The following ANO6 variants were observed in gnomAD, a reference collection of about 807,000 sequenced individuals.
ANO6 encodes the protein anoctamin 6.
ANO6 carries 106 observed loss-of-function variants against 117.5 expected under a neutral mutation model. The observed-to-expected ratio is 0.90, with a 90% CI of 0.77 to 1.06. ANO6 has a LOEUF of 1.06. Ranked by LOEUF, ANO6 falls within the 50% of genes least tolerant of loss-of-function variation. The pLI is 0.00. For synonymous variants in ANO6, 367 were observed against 385.1 expected (o/e 0.95, Z 0.55); for missense variants, 955 against 1,121.1 (o/e 0.85, Z 2.12).
chr12:45,338,901 C>T (rs1379698393), intron 3 of ANO6, among the ~76,000 whole-genome samples: 4 of 151,996 alleles, frequency 2.6e-5, no homozygotes, highest in Non-Finnish European at 5.9e-5. Context: ...GAATTAACAA[C>T]GAGTTCACAA....
chr12:45,380,477 G>T (rs1167216225), intron 10 of ANO6, among the ~76,000 whole-genome samples: 1 of 152,212 alleles, frequency 6.6e-6, no homozygotes, highest in Non-Finnish European at 1.5e-5. Context: ...TCAGAAAACA[G>T]CTGCTGTGAC....
chr12:45,430,127 A>G lies in ANO6; in HGVS notation c.*816A>G. 4.1e-6 allele frequency: 4 copies of G among 985,468 alleles called. No individual in the cohort carries two copies. The highest frequency in any genetic ancestry group is 4.8e-6 in the Non-Finnish European group (4 of 829,920). 61.0% of individuals were successfully genotyped at this position (985,468 alleles called of 1,614,324 possible). On this transcript the variant is annotated 3_prime_UTR_variant, in exon 20 of 20. Transcript: ENST00000320560. ...ATTTTAACTCATGTTGATCTGGATA[A>G]TTAATCTTTTCTAAAGATGTGTAGT...
chr12:45,287,826 G>C (rs1191312222), intron 1 of ANO6, among the ~76,000 whole-genome samples: 2 of 152,010 alleles, frequency 1.3e-5, no homozygotes, highest in African/African-American at 4.8e-5. Flanking sequence ...TTTGGAAAAC[G>C]TCAAGTATTA....
At chr12:45,263,084 G>C (rs1765325633) in intron 1 of ANO6, among the ~76,000 whole-genome samples, 1 of 151,762 alleles carries the variant, frequency 6.6e-6, no homozygotes, top group Non-Finnish European at 1.5e-5. Flanking sequence ...AGATTTTTTT[G>C]CTGTTATAAA....
chr12:45,330,589 C>G (rs1383307587), intron 2 of ANO6, among the ~76,000 whole-genome samples: 1 of 152,052 alleles, frequency 6.6e-6, no homozygotes, highest in Admixed American at 6.6e-5. Flanking sequence ...TGTATTTGGT[C>G]TCTGTTCTGC....
At chr12:45,260,141 G>A (rs569249303) in intron 1 of ANO6, among the ~76,000 whole-genome samples, 7 of 152,300 alleles carry the variant, frequency 4.6e-5, no homozygotes, top group African/African-American at 1.4e-4. Context: ...AGCACTTAGC[G>A]CTGGGCTCAG....
chr12:45,318,167 C>G (rs1466024314), intron 2 of ANO6, among the ~76,000 whole-genome samples: 1 of 152,112 alleles, frequency 6.6e-6, no homozygotes, highest in African/African-American at 2.4e-5. Flanking sequence ...GCTGCCATTG[C>G]TTTTGGTGTT....
At chr12:45,422,895 C>G in intron 18 of ANO6, 62 bp from the exon 19 acceptor site, 1 of 1,279,890 alleles carries the variant, frequency 7.8e-7, no homozygotes, top group South Asian at 1.2e-5. Flanking sequence ...TAAATGGGGC[C>G]TTTGTTTACA....
intron 2 of ANO6, among the ~76,000 whole-genome samples, chr12:45,329,797 A>G (rs752760122): frequency 2.6e-5 from 4 of 152,086 alleles, no homozygotes; most frequent in East Asian, 1.9e-4. Context: ...TCCTCTAGCA[A>G]TAGCCCTGGT....
intron 1 of ANO6, among the ~76,000 whole-genome samples, chr12:45,246,817 C>T (rs1947832757): frequency 2.1e-5 from 3 of 143,500 alleles, no homozygotes; most frequent in African/African-American, 7.8e-5. Context: ...CAGGTTGGAG[C>T]GCAGTGGCGC....
At chr12:45,418,084 G>A (rs1943259389) in intron 17 of ANO6, among the ~76,000 whole-genome samples, 1 of 152,152 alleles carries the variant, frequency 6.6e-6, no homozygotes, top group Non-Finnish European at 1.5e-5. Context: ...GTTAGCTGCT[G>A]TTATTTTATC....
At chr12:45,247,743 G>C (rs1374073294) in intron 1 of ANO6, among the ~76,000 whole-genome samples, 1 of 152,184 alleles carries the variant, frequency 6.6e-6, no homozygotes, top group Non-Finnish European at 1.5e-5. Context: ...GTGCATGACT[G>C]TGTGAACTCC....
Position 45,403,529 on chromosome 12 carries a change from T to G in ANO6, c.1873T>G (p.Leu625Val), listed in dbSNP as rs1400357473. The change falls in exon 15 of 20, where the codon TTA (leucine) becomes GTA (valine). Residue 625 changes from leucine (L) to valine (V), a missense_variant. Coordinates refer to ENST00000320560, the MANE Select transcript of ANO6 (RefSeq NM_001025356.3). The part of the protein sequence containing the change: ...KAIWNNIQEV[L>V]LPWIMNLIGR... ...AATCTGGAATAACATACAAGAAGTA[T>G]TATTGCCGTGAGTGTTAAATTGTAT... is the stretch of plus-strand genomic sequence containing the variant. 7 of 1,610,686 alleles carry G rather than the reference T, an allele frequency of 4.3e-6. No individual in the cohort carries two copies. Among genetic ancestry groups the G allele is most frequent in the Admixed American group, 1.7e-5 (1 of 60,022 alleles).
intron 8 of ANO6, among the ~76,000 whole-genome samples, chr12:45,367,084 C>T (rs1941704630): frequency 6.6e-6 from 1 of 152,168 alleles, no homozygotes; most frequent in South Asian, 2.1e-4. Context: ...CGGGTTCAAG[C>T]AATTCTCCTG....
At chr12:45,331,560 T>C (rs1252232404) in intron 3 of ANO6, 137 bp downstream of exon 3, 2 of 907,452 alleles carry the variant, frequency 2.2e-6, no homozygotes, top group Admixed American at 6.3e-5. Flanking sequence ...TCTCTGCTCA[T>C]GTTTTCTCAA....
At chr12:45,244,413 G>GT (rs1555159900) in intron 1 of ANO6, among the ~76,000 whole-genome samples, 1 of 147,270 alleles carries the variant, frequency 6.8e-6, no homozygotes, top group Non-Finnish European at 1.5e-5. Flanking sequence ...TGGGGGGGGG[G>GT]GGTGGTCTGT....
At chr12:45,364,192 G>T (rs865799827) in intron 8 of ANO6, among the ~76,000 whole-genome samples, 1 of 152,260 alleles carries the variant, frequency 6.6e-6, no homozygotes, top group African/African-American at 2.4e-5. Flanking sequence ...TATATGTGAT[G>T]AATCACTTTT....
intron 2 of ANO6, among the ~76,000 whole-genome samples, chr12:45,309,522 C>T (rs1939781397): frequency 1.3e-5 from 2 of 151,772 alleles, no homozygotes; most frequent in South Asian, 4.1e-4. Flanking sequence ...CAAATTTTTA[C>T]TTGCAGGTTT....
At chr12:45,413,078 C>T (rs1312290693) in intron 16 of ANO6, among the ~76,000 whole-genome samples, 3 of 152,154 alleles carry the variant, frequency 2.0e-5, no homozygotes, top group Non-Finnish European at 4.4e-5. Flanking sequence ...AGGACTTGAA[C>T]TTTATTCTTA....
Sources: gnomAD v4.1 joint callset for allele counts (sites outside exome capture counted in the v4.1 genomes callset) on GRCh38, gnomAD v4.1.1 for gene constraint, MANE v1.5 for transcripts, NCBI Gene and HGNC (gene_info 2026-07-23, HGNC 2026-07-21) for gene names.